KIAA1671: variants seen among roughly 807,000 people sequenced by gnomAD.
The protein encoded by KIAA1671 is uncharacterized protein KIAA1671.
In KIAA1671, 52 loss-of-function variants were observed where a neutral mutation model predicts 131.2. The ratio of observed to expected loss-of-function variants is 0.40; its 90% CI spans 0.32 to 0.50. The LOEUF (loss-of-function observed/expected upper bound fraction) is 0.50. KIAA1671 is among the 20% of genes least tolerant of loss of function. KIAA1671 has a pLI of 0.73. For synonymous variants in KIAA1671, 1,003 were observed against 961.6 expected, an observed-to-expected ratio of 1.04 and a Z score of -0.80; for missense variants, 2,360 against 2,364.2, an observed-to-expected ratio of 1.00 and a Z score of 0.04.
At chr22:25,014,332 T>G (rs776681035) in intron 1 of KIAA1671, 2 of 152,156 alleles carry the variant, frequency 1.3e-5, no homozygotes, top group Non-Finnish European at 2.9e-5. Flanking sequence ...TGATTCCATT[T>G]TAATTTTGAC....
At position 25,028,638 on chromosome 22, in the gene KIAA1671, C is replaced by T; in HGVS notation, c.639C>T (p.Gly213=). ...TKPPVPQEEA[G]QDHPPSKASS... ...CACCTGTACCCCAAGAGGAGGCAGG[C>T]CAAGACCATCCTCCCTCAAAGGCCA... The change falls in exon 3 of 13, where the codon GGC becomes GGT. Residue 213 remains glycine (G), a synonymous_variant. Coordinates refer to ENST00000358431, the MANE Select transcript of KIAA1671 (RefSeq NM_001145206.2). 6.4e-7 allele frequency: 1 copy of T among 1,550,964 alleles called. No homozygotes were observed. The highest frequency in any genetic ancestry group is 8.7e-7 in the Non-Finnish European group (1 of 1,146,938).
intron 6 of KIAA1671, among the ~76,000 whole-genome samples, chr22:25,118,611 A>G (rs1456915101): frequency 6.6e-6 from 1 of 152,000 alleles, no homozygotes; most frequent in Non-Finnish European, 1.5e-5. Context: ...TTTAGGGGCC[A>G]CTGTCAGCCC....
At chr22:24,982,138 C>T (rs1188461371) in intron 1 of KIAA1671, among the ~76,000 whole-genome samples, 1 of 152,160 alleles carries the variant, frequency 6.6e-6, no homozygotes, top group Non-Finnish European at 1.5e-5. Context: ...GTTATTATTC[C>T]TCTAATTATC....
rs570449392 is a variant in KIAA1671 at position 25,121,278 on chromosome 22, C to T, written c.4531-49542C>T. On this transcript the variant is annotated intron_variant, in intron 6 of 12. Transcript: ENST00000358431. ...GAGATTGAGACCATCCTGGCTAACA[C>T]GGTGAAAACCTATCTCTACTAAAAA... Among the ~76,000 whole-genome samples the T allele has an allele frequency of 3.1e-3, 475 of 151,916 alleles. 2 individuals carry two copies. The highest frequency in any genetic ancestry group is 5.9e-3 in the Non-Finnish European group (399 of 67,958).
At chr22:25,146,187 A>G (rs1944600882) in intron 6 of KIAA1671, among the ~76,000 whole-genome samples, 1 of 152,184 alleles carries the variant, frequency 6.6e-6, no homozygotes, top group Admixed American at 6.5e-5. Context: ...AGTTCTAGTC[A>G]TGGCTACCAT....
chr22:25,179,350 C>T, intron 9 of KIAA1671: 3 of 1,596,430 alleles, frequency 1.9e-6, no homozygotes, highest in Non-Finnish European at 2.6e-6. Context: ...TTCCTGCGCA[C>T]CTCGGCCGCG....
chr22:25,001,223 GTA>G (rs916995016), intron 1 of KIAA1671, among the ~76,000 whole-genome samples: 54 of 72,398 alleles, frequency 7.5e-4, no homozygotes, highest in South Asian at 1.3e-3. Flanking sequence ...GTGTATATAT[GTA>G]TGTGTGTGTA....
chr22:24,968,829 A>G (rs1922444604), intron 1 of KIAA1671, among the ~76,000 whole-genome samples: 1 of 152,014 alleles, frequency 6.6e-6, no homozygotes, highest in South Asian at 2.1e-4. Context: ...CCAAATTGAT[A>G]ATTTTTATGC....
intron 6 of KIAA1671, among the ~76,000 whole-genome samples, chr22:25,091,482 C>T (rs1448194809): frequency 4.6e-5 from 7 of 152,200 alleles, no homozygotes; most frequent in South Asian, 2.1e-4. Flanking sequence ...CTTCTTTCTT[C>T]GTAAACCAGT....
At chr22:25,150,500 G>T (rs1932997256) in intron 6 of KIAA1671, among the ~76,000 whole-genome samples, 1 of 152,172 alleles carries the variant, frequency 6.6e-6, no homozygotes, top group Non-Finnish European at 1.5e-5. Context: ...TTTCAGGAAG[G>T]TGCTGCCTGC....
intron 6 of KIAA1671, among the ~76,000 whole-genome samples, chr22:25,158,547 G>A (rs1480232282): frequency 1.3e-5 from 2 of 152,136 alleles, no homozygotes. Flanking sequence ...GTGGATGCCT[G>A]GGCCGCATTT....
intron 10 of KIAA1671, among the ~76,000 whole-genome samples, chr22:25,182,968 C>G (rs1934342715): frequency 6.6e-6 from 1 of 152,220 alleles, no homozygotes; most frequent in Non-Finnish European, 1.5e-5. Flanking sequence ...GAGGGAAAGG[C>G]TGAGCTGCCT....
chr22:24,976,609 C>T (rs1288919314), intron 1 of KIAA1671, among the ~76,000 whole-genome samples: 5 of 152,180 alleles, frequency 3.3e-5, no homozygotes, highest in South Asian at 2.1e-4. Context: ...GAGAGCCCAC[C>T]GGGCTGGTCG....
At position 25,072,053 on chromosome 22, in the gene KIAA1671, T is replaced by C. The variant is rs144843815; in HGVS notation, c.4530+22689T>C. ...CTGGAGGATGCCTAGGAGCTGGCAG[T>C]TGATGCTAGGGTAGGGGTCCAGGGA... On this transcript the variant is annotated intron_variant, in intron 6 of 12. Transcript: ENST00000358431. Among the ~76,000 whole-genome samples the C allele has an allele frequency of 2.5e-3, 379 of 152,162 alleles. 4 individuals carry two copies. Among genetic ancestry groups the C allele is most frequent in the African/African-American group, 8.7e-3 (363 of 41,530 alleles).
intron 1 of KIAA1671, among the ~76,000 whole-genome samples, chr22:24,963,490 G>A (rs539204638): frequency 6.6e-6 from 1 of 152,130 alleles, no homozygotes; most frequent in South Asian, 2.1e-4. Flanking sequence ...GAGCATCTGG[G>A]GTTGCTTCCT....
chr22:25,008,301 A>AAGCCC (rs1924859350), intron 1 of KIAA1671, among the ~76,000 whole-genome samples: 1 of 151,778 alleles, frequency 6.6e-6, no homozygotes, highest in African/African-American at 2.4e-5. Context: ...AGGCCAGGCC[A>AAGCCC]AGCCCCAGTT....
At chr22:25,043,738 T>C (rs1234155117) in intron 5 of KIAA1671, among the ~76,000 whole-genome samples, 1 of 151,476 alleles carries the variant, frequency 6.6e-6, no homozygotes, top group African/African-American at 2.4e-5. Flanking sequence ...TGAGGGGAGG[T>C]GAGGGCATTC....
chr22:24,992,814 CAAAAA>C (rs761181079), intron 1 of KIAA1671, among the ~76,000 whole-genome samples: 13 of 57,378 alleles, frequency 2.3e-4, no homozygotes, highest in East Asian at 6.3e-4. Context: ...GACTCCGTCT[CAAAAA>C]AAAAAAAAAA....
intron 6 of KIAA1671, among the ~76,000 whole-genome samples, chr22:25,119,913 G>C (rs1491001654): frequency 6.6e-6 from 1 of 152,240 alleles, no homozygotes; most frequent in Non-Finnish European, 1.5e-5. Flanking sequence ...GGCCGGATAG[G>C]GCCAGGGAGG....
Sources: gnomAD v4.1 joint callset for allele counts (sites outside exome capture counted in the v4.1 genomes callset) on GRCh38, gnomAD v4.1.1 for gene constraint, MANE v1.5 for transcripts, NCBI Gene and HGNC (gene_info 2026-07-23, HGNC 2026-07-21) for gene names.